The following SLC24A3 variants were observed in gnomAD, a reference collection of about 807,000 sequenced individuals.
SLC24A3 encodes the protein sodium/potassium/calcium exchanger 3.
Under a neutral mutation model 75.8 loss-of-function variants are expected in SLC24A3, and 28 were observed. The ratio of observed to expected loss-of-function variants is 0.37; its 90% CI spans 0.27 to 0.51. The LOEUF (loss-of-function observed/expected upper bound fraction) is 0.51, where lower values mean the gene tolerates loss of function less well. Among genes scored for constraint, SLC24A3 ranks in the 20% least tolerant of loss-of-function variants. The pLI is 0.94. For synonymous variants in SLC24A3, 372 were observed against 334.1 expected (o/e 1.11, Z -1.24); for missense variants, 663 against 847.8 (o/e 0.78, Z 2.71).
intron 2 of SLC24A3, among the ~76,000 whole-genome samples, chr20:19,439,460 T>C (rs890249721): frequency 3.3e-5 from 5 of 152,184 alleles, no homozygotes; most frequent in African/African-American, 9.7e-5. Flanking sequence ...AAACCACAGA[T>C]AGATTTGGCT....
chr20:19,504,911 T>C (rs952967464), intron 2 of SLC24A3, among the ~76,000 whole-genome samples: 1 of 152,238 alleles, frequency 6.6e-6, no homozygotes, highest in Non-Finnish European at 1.5e-5. Context: ...GCTGCCATGT[T>C]TGTGGCCTGG....
intron 6 of SLC24A3, among the ~76,000 whole-genome samples, chr20:19,641,012 A>G (rs1316598973): frequency 1.3e-5 from 2 of 152,200 alleles, no homozygotes; most frequent in African/African-American, 4.8e-5. Context: ...TTTTCTTGCC[A>G]GTACTTCTAT....
intron 2 of SLC24A3, among the ~76,000 whole-genome samples, chr20:19,387,077 T>G (rs181369185): frequency 5.1e-4 from 78 of 152,286 alleles, no homozygotes; most frequent in Non-Finnish European, 5.9e-5. Flanking sequence ...TGTTGTTAGA[T>G]TGTATGTTTC....
At chr20:19,452,343 A>G (rs1987497012) in intron 2 of SLC24A3, among the ~76,000 whole-genome samples, 1 of 150,180 alleles carries the variant, frequency 6.7e-6, no homozygotes, top group African/African-American at 2.5e-5. Context: ...AGAAAAATGA[A>G]CAGTAGGTGG....
intron 2 of SLC24A3, among the ~76,000 whole-genome samples, chr20:19,312,047 A>G (rs1264612809): frequency 3.3e-5 from 5 of 152,228 alleles, no homozygotes; most frequent in Admixed American, 6.5e-5. Flanking sequence ...ATATAAGAAC[A>G]ATAAACTCAG....
chr20:19,511,022 A>C (rs8120586), intron 2 of SLC24A3, among the ~76,000 whole-genome samples: 15,250 of 152,212 alleles, frequency 0.1, 816 homozygotes, highest in Admixed American at 0.1. Flanking sequence ...AGCCCTAAAC[A>C]GTGACAGGCA....
At chr20:19,377,226 T>C (rs1986099685) in intron 2 of SLC24A3, among the ~76,000 whole-genome samples, 1 of 152,208 alleles carries the variant, frequency 6.6e-6, no homozygotes, top group Admixed American at 6.5e-5. Context: ...TCACTTCCAA[T>C]TTAGGCACTT....
chr20:19,214,672 G>T (rs1981505404), intron 1 of SLC24A3, among the ~76,000 whole-genome samples: 2 of 152,074 alleles, frequency 1.3e-5, no homozygotes, highest in Admixed American at 1.3e-4. Context: ...GCTGGGATTT[G>T]GGAGGAGAGG....
intron 2 of SLC24A3, among the ~76,000 whole-genome samples, chr20:19,329,622 G>T (rs1441410738): frequency 6.6e-6 from 1 of 152,208 alleles, no homozygotes; most frequent in Non-Finnish European, 1.5e-5. Context: ...CAGTATTATT[G>T]AATTTGTTGC....
At chr20:19,267,665 A>G (rs6045944) in intron 1 of SLC24A3, among the ~76,000 whole-genome samples, 60 of 152,292 alleles carry the variant, frequency 3.9e-4, no homozygotes, top group African/African-American at 1.4e-3. Context: ...ACTGATTTTT[A>G]TCATTTTCTT....
chr20:19,721,287 G>T lies in SLC24A3; in HGVS notation c.*147G>T. On this transcript the variant is annotated 3_prime_UTR_variant, in exon 17 of 17. Transcript: ENST00000328041. ...CCTCCGCTCCTGTTTTGGTGGCCCAGGCTCTCCCCTGACCCATCCTCGCTC... is the reference window on the plus strand; with the variant it reads ...CCTCCGCTCCTGTTTTGGTGGCCCATGCTCTCCCCTGACCCATCCTCGCTC... 1 of 1,033,166 alleles carries T rather than the reference G, an allele frequency of 9.7e-7. No individual in the cohort carries two copies. The highest frequency in any genetic ancestry group is 1.4e-6 in the Non-Finnish European group (1 of 717,700). The allele number at this position is 1,033,166 out of a possible 1,614,324, so 64.0% of individuals were successfully genotyped here.
chr20:19,486,283 C>T (rs928122914), intron 2 of SLC24A3, among the ~76,000 whole-genome samples: 1 of 152,242 alleles, frequency 6.6e-6, no homozygotes, highest in South Asian at 2.1e-4. Context: ...AAAAACTGAT[C>T]ACTGTTTGCC....
chr20:19,295,238 T>C (rs908201421), intron 2 of SLC24A3, among the ~76,000 whole-genome samples: 3 of 152,244 alleles, frequency 2.0e-5, no homozygotes, highest in Non-Finnish European at 4.4e-5. Context: ...TGATGTTGCT[T>C]GTCAGCTTAA....
chr20:19,433,030 A>G (rs1249621701), intron 2 of SLC24A3, among the ~76,000 whole-genome samples: 3 of 152,282 alleles, frequency 2.0e-5, no homozygotes, highest in East Asian at 3.9e-4. Context: ...TAGAAGGACT[A>G]TATTTCATTA....
intron 2 of SLC24A3, among the ~76,000 whole-genome samples, chr20:19,341,141 T>A (rs1985263600): frequency 6.6e-6 from 1 of 152,228 alleles, no homozygotes; most frequent in African/African-American, 2.4e-5. Flanking sequence ...TGGTCTGGGA[T>A]GTGGTCTGGG....
chr20:19,639,315 T>C (rs1247411554), intron 6 of SLC24A3, among the ~76,000 whole-genome samples: 2 of 151,784 alleles, frequency 1.3e-5, no homozygotes, highest in Non-Finnish European at 2.9e-5. Context: ...TTGAGCTAGA[T>C]ACAGAGTGCT....
At chr20:19,456,090 T>C (rs984886066) in intron 2 of SLC24A3, among the ~76,000 whole-genome samples, 23 of 152,168 alleles carry the variant, frequency 1.5e-4, no homozygotes, top group Non-Finnish European at 1.5e-5. Flanking sequence ...TTGCCCTTTT[T>C]TTTTCCATCT....
chr20:19,513,735 TTAG>T (rs2029928763), intron 2 of SLC24A3, among the ~76,000 whole-genome samples: 2 of 96,870 alleles, frequency 2.1e-5, no homozygotes, highest in African/African-American at 9.0e-5. Context: ...TGCTTTTTTT[TTAG>T]AAAAAAAAAA....
chr20:19,332,613 C>A (rs1174939088), intron 2 of SLC24A3, among the ~76,000 whole-genome samples: 1 of 152,140 alleles, frequency 6.6e-6, no homozygotes, highest in Non-Finnish European at 1.5e-5. Context: ...CAGTCTTGAG[C>A]ACTGGGGAAG....
Sources: gnomAD v4.1 joint callset for allele counts (sites outside exome capture counted in the v4.1 genomes callset) on GRCh38, gnomAD v4.1.1 for gene constraint, MANE v1.5 for transcripts, NCBI Gene and HGNC (gene_info 2026-07-23, HGNC 2026-07-21) for gene names.